Variants in DYSF observed in about 807,000 individuals in gnomAD.
DYSF encodes the protein dysferlin.
Under a neutral mutation model 274.9 loss-of-function variants are expected in DYSF, and 212 were observed. The observed-to-expected ratio is 0.77, with a 90% CI of 0.69 to 0.86. DYSF has a LOEUF of 0.86. DYSF is among the 40% of genes least tolerant of loss of function. The probability of loss-of-function intolerance (pLI) is 0.00; values close to 1 mark genes in which losing one functional copy is unlikely to be tolerated. For synonymous variants in DYSF, 1,091 were observed against 1,078.7 expected (o/e 1.01, Z -0.22); for missense variants, 2,666 against 2,783.2 (o/e 0.96, Z 0.95).
intron 1 of DYSF, among the ~76,000 whole-genome samples, chr2:71,475,447 C>T (rs1217283360): frequency 6.6e-6 from 1 of 152,210 alleles, no homozygotes; most frequent in African/African-American, 2.4e-5. Context: ...TAGAAGCACA[C>T]TGCTACACGG....
At chr2:71,640,895 G>A (rs2094475540) in intron 41 of DYSF, among the ~76,000 whole-genome samples, 1 of 152,008 alleles carries the variant, frequency 6.6e-6, no homozygotes, top group Admixed American at 6.5e-5. Context: ...AATGATCTTG[G>A]CCTCCTGTCT....
chr2:71,570,616 A>AC lies in DYSF; in HGVS notation c.3105dup (p.Ile1036HisfsTer14), dbSNP rs756118312. 24 of 1,613,856 alleles carry AC rather than the reference A, an allele frequency of 1.5e-5. No homozygotes were observed. The highest frequency in any genetic ancestry group is 1.9e-5 in the Non-Finnish European group (22 of 1,179,958). On this transcript the variant is annotated frameshift_variant, in exon 29 of 56. Transcript: ENST00000410020. LOFTEE classifies it high-confidence loss of function. ...TCCCCCAGGCTGGGAGTATAGCATC[A>AC]CCATCCCCCCGGAGCGGAAGCCGAA...
At chr2:71,664,955 T>G (rs2094967980) in intron 46 of DYSF, among the ~76,000 whole-genome samples, 1 of 152,266 alleles carries the variant, frequency 6.6e-6, no homozygotes, top group African/African-American at 2.4e-5. Flanking sequence ...AATTCCGTAC[T>G]TAAATGAGTC....
intron 36 of DYSF, among the ~76,000 whole-genome samples, chr2:71,609,776 G>T (rs2093714071): frequency 6.6e-6 from 1 of 152,174 alleles, no homozygotes; most frequent in Non-Finnish European, 1.5e-5. Flanking sequence ...GCTTGGGTTG[G>T]CTGTGAAGTG....
chr2:71,500,535 AC>A (rs1452744011), intron 3 of DYSF, among the ~76,000 whole-genome samples: 1 of 151,832 alleles, frequency 6.6e-6, no homozygotes, highest in South Asian at 2.1e-4. Context: ...TCCAAGAGGC[AC>A]CCCAGGCTGG....
rs1359294807 is a variant in DYSF at position 71,656,121 on chromosome 2, TTCTG to T, written c.4627-37_4627-34del. On this transcript the variant is annotated intron_variant, in intron 42 of 55. Coordinates refer to ENST00000410020, the MANE Select transcript of DYSF (RefSeq NM_001130987.2). ...TTCCTTTGCTGTTGTTCTACTTTCT[TTCTG>T]TCTCTTGTCCCCTCCTCTAATCCCC... 3 of 1,613,600 alleles carry T rather than the reference TTCTG, an allele frequency of 1.9e-6. No individual in the cohort carries two copies. The African/African-American group carries it at 4.0e-5, about 22-fold the overall frequency.
In DYSF at chr2:71,481,754, C is replaced by G. The variant is rs116785115; in HGVS notation, c.148-125C>G. The G allele has an allele frequency of 4.4e-4, 277 of 636,692 alleles. 1 individual carries two copies. In the African/African-American group the frequency reaches 5.3e-3, roughly 12 times the overall value. 39.4% of individuals were successfully genotyped at this position (636,692 alleles called of 1,614,324 possible). ...TGCTTCCATCCATCCATTGATCCATCTGCCTATCCACTAGAATCATTCATG... is the reference window on the plus strand; with the variant it reads ...TGCTTCCATCCATCCATTGATCCATGTGCCTATCCACTAGAATCATTCATG... On this transcript the variant is annotated intron_variant, in intron 2 of 55. Transcript: ENST00000410020.
chr2:71,635,564 A>G (rs924973621), intron 41 of DYSF, among the ~76,000 whole-genome samples: 4 of 152,110 alleles, frequency 2.6e-5, no homozygotes, highest in Non-Finnish European at 4.4e-5. Flanking sequence ...CCTGGCCAAC[A>G]TGGTGAAACC....
intron 42 of DYSF, among the ~76,000 whole-genome samples, chr2:71,646,153 C>G (rs758671744): frequency 7.2e-5 from 11 of 152,206 alleles, no homozygotes; most frequent in Non-Finnish European, 1.0e-4. Context: ...AGTTCCTCCT[C>G]GACTTGGTAG....
chr2:71,679,174 A>T lies in DYSF; in HGVS notation c.6002A>T (p.Gln2001Leu), dbSNP rs1432259858. The T allele has an allele frequency of 6.2e-7, 1 of 1,614,124 alleles. No individual in the cohort carries two copies. Among genetic ancestry groups the T allele is most frequent in the Admixed American group, 1.7e-5 (1 of 60,020 alleles). The change falls in exon 53 of 56, where the codon CAG becomes CTG. Residue 2001 changes from glutamine to leucine, a missense_variant. Gln to Leu is a moderately radical substitution (Grantham distance 113, BLOSUM62 -2). Coordinates refer to ENST00000410020, the MANE Select transcript of DYSF (RefSeq NM_001130987.2). ...HPEWFVSLFE[Q>L]KTVKGWWPCV... The stretch of plus-strand genomic sequence containing the variant: ...GAATGGTTTGTGTCCCTTTTTGAGC[A>T]GAAAACAGTGAAGGGCTGGTGGCCC...
chr2:71,618,091 G>GT (rs2093955668), intron 40 of DYSF, among the ~76,000 whole-genome samples: 1 of 10,014 alleles, frequency 1.0e-4, no homozygotes, highest in Non-Finnish European at 2.6e-4. Context: ...GTAGAGATGG[G>GT]GTGTGTGTGT....
upstream of DYSF, among the ~76,000 whole-genome samples, chr2:71,463,308 G>C (rs1051194576): frequency 6.6e-6 from 1 of 152,224 alleles, no homozygotes; most frequent in Non-Finnish European, 1.5e-5. Context: ...ACCCTGGAGT[G>C]GGTGACTGGA....
intron 13 of DYSF, 132 bp downstream of exon 13, chr2:71,526,478 A>T (rs771788578): frequency 9.7e-5 from 128 of 1,319,866 alleles, no homozygotes; most frequent in Non-Finnish European, 1.3e-4. Flanking sequence ...ATCAGAATTT[A>T]ACGAAAAGTA....
At chr2:71,621,735 C>A (rs968170281) in intron 41 of DYSF, among the ~76,000 whole-genome samples, 1 of 152,118 alleles carries the variant, frequency 6.6e-6, no homozygotes, top group African/African-American at 2.4e-5. Context: ...TCTTGGCTCA[C>A]TGCAACCTCC....
intron 9 of DYSF, 88 bp downstream of exon 9, chr2:71,516,330 G>A: frequency 2.3e-6 from 3 of 1,285,686 alleles, no homozygotes; most frequent in Non-Finnish European, 3.4e-6. Context: ...GTGCACGTGT[G>A]TGCATGTGCA....
rs1452482319 is a variant in DYSF at position 71,615,409 on chromosome 2, G to T, written c.4464+1999G>T. 6.6e-6 allele frequency among the ~76,000 whole-genome samples: 1 copy of T among 152,100 alleles called. No homozygotes were observed. Among genetic ancestry groups the T allele is most frequent in the Non-Finnish European group, 1.5e-5 (1 of 68,006 alleles). On this transcript the variant is annotated intron_variant, in intron 40 of 55. Coordinates refer to ENST00000410020, the MANE Select transcript of DYSF (RefSeq NM_001130987.2). This position sits in a 1 kb window ranked among gnomAD's most constrained non-coding sequence, Gnocchi z 4.9. ...AATGACACTGATTTGCTCTGATGGG[G>T]GAGGCTTGGACCTTGCCCTCATGGA...
intron 17 of DYSF, among the ~76,000 whole-genome samples, chr2:71,542,728 T>G (rs1455586741): frequency 3.3e-5 from 5 of 152,162 alleles, no homozygotes; most frequent in African/African-American, 1.2e-4. Flanking sequence ...GGCAGAAGAA[T>G]TTTTCTTAGT....
chr2:71,485,023 C>G (rs930667594), intron 3 of DYSF, among the ~76,000 whole-genome samples: 22 of 152,232 alleles, frequency 1.4e-4, no homozygotes, highest in African/African-American at 5.3e-4. Flanking sequence ...AAATCAGGTC[C>G]TCAAAGATCA....
At position 71,686,654 on chromosome 2, in the gene DYSF, C is replaced by T; in HGVS notation, c.*162C>T. 1 of 801,488 alleles carries T rather than the reference C, an allele frequency of 1.2e-6. No individual in the cohort carries two copies. The highest frequency in any genetic ancestry group is 2.1e-6 in the Non-Finnish European group (1 of 470,250). 49.6% of individuals were successfully genotyped at this position (801,488 alleles called of 1,614,324 possible). A position where few individuals can be genotyped will look rare whatever the true frequency, so the allele number is the denominator to read the frequency against. On this transcript the variant is annotated 3_prime_UTR_variant, in exon 56 of 56. Transcript: ENST00000410020. ...GGACCGGCCCACACTCCCAGAGTTG[C>T]TAACATGGAGCTCTGAGATCACCCC...
Sources: gnomAD v4.1 joint callset for allele counts (sites outside exome capture counted in the v4.1 genomes callset) on GRCh38, gnomAD v4.1.1 for gene constraint, Gnocchi (gnomAD v3.1) non-coding constraint, MANE v1.5 for transcripts, NCBI Gene and HGNC (gene_info 2026-07-23, HGNC 2026-07-21) for gene names.